Variants in SMG6 observed in about 807,000 individuals in gnomAD.
The protein encoded by SMG6 is telomerase-binding protein EST1A.
A neutral mutation model predicts 142.2 loss-of-function variants in SMG6; 66 were observed. That is an observed-to-expected ratio of 0.46 (90% confidence interval 0.38 to 0.57). SMG6 has a LOEUF of 0.57. Ranked by LOEUF, SMG6 falls within the 20% of genes least tolerant of loss-of-function variation. SMG6 has a pLI of 0.00. For missense variants in SMG6, 1,793 were observed against 1,832.0 expected (o/e 0.98, Z 0.39); for synonymous variants, 779 against 702.4 (o/e 1.11, Z -1.72).
intron 10 of SMG6, among the ~76,000 whole-genome samples, chr17:2,207,117 C>CAAAAA (rs34276256): frequency 2.4e-4 from 19 of 79,786 alleles, no homozygotes; most frequent in Non-Finnish European, 3.3e-4. Context: ...ACTAAAAATC[C>CAAAAA]AAAAAAAAAA....
At chr17:2,205,724 T>A (rs567456501) in intron 10 of SMG6, among the ~76,000 whole-genome samples, 1 of 152,204 alleles carries the variant, frequency 6.6e-6, no homozygotes, top group Admixed American at 6.5e-5. Flanking sequence ...AATAACTTTT[T>A]AAAGCATGGA....
At chr17:2,088,834 T>C (rs2068636452) in intron 13 of SMG6, 1 of 985,396 alleles carries the variant, frequency 1.0e-6, no homozygotes, top group Non-Finnish European at 1.2e-6. Flanking sequence ...CATTCTGTCT[T>C]AACTTGGGGG....
intron 16 of SMG6, among the ~76,000 whole-genome samples, chr17:2,067,782 G>C (rs1199417184): frequency 6.6e-6 from 1 of 152,172 alleles, no homozygotes; most frequent in East Asian, 1.9e-4. Context: ...GCCTCTGCAG[G>C]GGCGGATGTT....
intron 13 of SMG6, chr17:2,088,446 C>CA (rs1458431920): frequency 1.0e-6 from 1 of 985,290 alleles, no homozygotes; most frequent in Admixed American, 6.1e-5. Flanking sequence ...ATTTCCGCCC[C>CA]ATTTAGAAGG....
At chr17:2,140,041 AACT>A (rs2070427921) in intron 13 of SMG6, among the ~76,000 whole-genome samples, 2 of 147,264 alleles carry the variant, frequency 1.4e-5, no homozygotes, top group African/African-American at 2.5e-5. Flanking sequence ...ACTGCCTGTT[AACT>A]AATTTTTTTT....
rs570295241 is a variant in SMG6, at chr17:2,120,103, C to T, written c.3358-34202G>A. ...GATTCCACGCGTGAGCCACCGCGCCCGGCCTCCATACAGCGCTTAGAGGAG... is the reference window on the plus strand; with the variant it reads ...GATTCCACGCGTGAGCCACCGCGCCTGGCCTCCATACAGCGCTTAGAGGAG... On this transcript the variant is annotated intron_variant, in intron 13 of 18. Transcript: ENST00000263073. Among the ~76,000 whole-genome samples the T allele has an allele frequency of 1.1e-4, 16 of 152,364 alleles. No homozygotes were observed. In the South Asian group the frequency reaches 2.5e-3, roughly 24 times the overall value.
chr17:2,237,448 C>A, intron 9 of SMG6: 1 of 894,664 alleles, frequency 1.1e-6, no homozygotes, highest in Non-Finnish European at 1.3e-6. Context: ...ATCACACTGA[C>A]TGTTCCGCCT....
intron 13 of SMG6, among the ~76,000 whole-genome samples, chr17:2,128,428 G>C (rs1412684625): frequency 6.6e-6 from 1 of 152,206 alleles, no homozygotes. Context: ...CCCCACTGCA[G>C]AAAGTGGTAC....
chr17:2,065,000 CAG>C (rs752629319), intron 18 of SMG6, 71 bp downstream of exon 18: 2 of 1,225,514 alleles, frequency 1.6e-6, no homozygotes, highest in Non-Finnish European at 1.2e-6. Context: ...GAGCCCTTCT[CAG>C]GGGCTGAGGA....
intron 10 of SMG6, among the ~76,000 whole-genome samples, chr17:2,230,589 A>G (rs1567701921): frequency 2.6e-5 from 4 of 152,266 alleles, no homozygotes; most frequent in African/African-American, 9.6e-5. Flanking sequence ...TACATTCTGA[A>G]AACAAGGACC....
rs932291834 is a variant in SMG6, at chr17:2,167,260, A to G, written c.3357+5398T>C. ...TAGAAGACTTAAAACCTGAACTAGA[A>G]GTAGTAAAGAGTAGAATCAATGCTA... On this transcript the variant is annotated intron_variant, in intron 13 of 18. Transcript: ENST00000263073. Among the ~76,000 whole-genome samples the G allele has an allele frequency of 1.2e-4, 19 of 152,234 alleles. 1 individual carries two copies. The highest frequency in any genetic ancestry group is 1.2e-3 in the Admixed American group (19 of 15,288).
At chr17:2,303,278 A>C in intron 1 of SMG6, 1 of 1,068,894 alleles carries the variant, frequency 9.4e-7, no homozygotes. Context: ...GGAGAGCGAT[A>C]CGCCCGGGGC....
chr17:2,110,430 CTT>C (rs2069280804), intron 13 of SMG6, among the ~76,000 whole-genome samples: 1 of 152,166 alleles, frequency 6.6e-6, no homozygotes, highest in African/African-American at 2.4e-5. Flanking sequence ...CTCTCTATGC[CTT>C]TTATAGATAC....
chr17:2,287,714 C>T (rs942918842), intron 6 of SMG6, among the ~76,000 whole-genome samples: 12 of 152,142 alleles, frequency 7.9e-5, no homozygotes, highest in Middle Eastern at 3.2e-3. Flanking sequence ...ATGTAATTCA[C>T]CCTCCAAAAG....
chr17:2,173,114 T>A (rs577859036), intron 12 of SMG6: 12 of 493,814 alleles, frequency 2.4e-5, no homozygotes, highest in Non-Finnish European at 4.0e-5. Context: ...GGAAAAAGAA[T>A]TTGGAGACTC....
At chr17:2,273,738 A>T (rs546995356) in intron 8 of SMG6, among the ~76,000 whole-genome samples, 1 of 152,250 alleles carries the variant, frequency 6.6e-6, no homozygotes, top group African/African-American at 2.4e-5. Flanking sequence ...CAGAGGTTGC[A>T]GTGAGCAGAG....
chr17:2,102,520 C>T (rs1468997419), intron 13 of SMG6, among the ~76,000 whole-genome samples: 2 of 142,386 alleles, frequency 1.4e-5, no homozygotes, highest in Non-Finnish European at 3.0e-5. Flanking sequence ...CCACATCCTG[C>T]TAATTTCATT....
intron 18 of SMG6, among the ~76,000 whole-genome samples, chr17:2,063,503 G>A (rs1454898531): frequency 2.6e-5 from 4 of 152,322 alleles, no homozygotes; most frequent in South Asian, 2.1e-4. Flanking sequence ...GGGTGAAGTC[G>A]GGGGTGGGAG....
chr17:2,300,658 A>G lies in SMG6; in HGVS notation c.95T>C (p.Met32Thr). Residue 32 changes from methionine to threonine, a missense_variant, in exon 2 of 19, where the codon ATG (methionine) becomes ACG (threonine). Physicochemically the swap from Met to Thr is moderately conservative, Grantham distance 81. Transcript: ENST00000263073. ...LAPQAGSREN[M>T]KELKEARPRK... Reference sequence around the variant, plus strand: ...CGGCCTGGCCTCCTTTAATTCCTTCATGTTTTCTGTTATGTCGGGGAAAGA... The same window carrying G: ...CGGCCTGGCCTCCTTTAATTCCTTCGTGTTTTCTGTTATGTCGGGGAAAGA... The G allele has an allele frequency of 6.3e-7, 1 of 1,576,626 alleles. No individual in the cohort carries two copies. The highest frequency in any genetic ancestry group is 2.2e-5 in the East Asian group (1 of 44,448).
Sources: allele counts gnomAD v4.1 joint callset (sites outside exome capture counted in the v4.1 genomes callset), GRCh38; gene constraint gnomAD v4.1.1; transcripts MANE v1.5; gene names NCBI Gene and HGNC (gene_info 2026-07-23, HGNC 2026-07-21).